The following GRID1 variants were observed in gnomAD, a reference collection of about 807,000 sequenced individuals.
The protein encoded by GRID1 is glutamate ionotropic receptor delta type subunit 1.
In GRID1, 28 loss-of-function variants were observed where a neutral mutation model predicts 98.0. The ratio of observed to expected loss-of-function variants is 0.29; its 90% CI spans 0.21 to 0.39. The LOEUF is 0.39. GRID1 is among the 10% of genes least tolerant of loss of function. The pLI is 1.00. For missense variants in GRID1, 1,111 were observed against 1,340.5 expected, an observed-to-expected ratio of 0.83 and a Z score of 2.67; for synonymous variants, 553 against 538.5, an observed-to-expected ratio of 1.03 and a Z score of -0.37.
chr10:85,626,431 C>T (rs1164930342), intron 13 of GRID1, among the ~76,000 whole-genome samples: 1 of 152,188 alleles, frequency 6.6e-6, no homozygotes, highest in Non-Finnish European at 1.5e-5. Context: ...TTGCTGGTGA[C>T]AGACCACACA....
intron 12 of GRID1, among the ~76,000 whole-genome samples, chr10:85,690,039 A>G (rs1365339817): frequency 2.0e-5 from 3 of 152,202 alleles, no homozygotes; most frequent in South Asian, 4.1e-4. Flanking sequence ...TCCAAAAAAG[A>G]TATCAGAAGG....
At chr10:85,997,698 G>A (rs12768233) in intron 4 of GRID1, among the ~76,000 whole-genome samples, 9,818 of 151,920 alleles carry the variant, frequency 0.065, 388 homozygotes, top group Non-Finnish European at 0.092. Flanking sequence ...AACAAGAAAA[G>A]GGAAGACGTA....
At chr10:85,808,736 T>C (rs1842643620) in intron 8 of GRID1, among the ~76,000 whole-genome samples, 1 of 152,148 alleles carries the variant, frequency 6.6e-6, no homozygotes, top group Admixed American at 6.5e-5. Flanking sequence ...CAAAAATGAC[T>C]TTTAGTATAG....
intron 4 of GRID1, among the ~76,000 whole-genome samples, chr10:85,969,903 G>C (rs1842385010): frequency 6.6e-6 from 1 of 151,574 alleles, no homozygotes; most frequent in South Asian, 2.1e-4. Flanking sequence ...AATAAGCAAA[G>C]AGTTGATTTT....
intron 5 of GRID1, among the ~76,000 whole-genome samples, chr10:85,871,275 G>A (rs1174572013): frequency 1.3e-5 from 2 of 152,192 alleles, no homozygotes; most frequent in Non-Finnish European, 2.9e-5. Flanking sequence ...ATATCTCACA[G>A]AATTTCTTGA....
chr10:86,292,609 G>C (rs1847530822), intron 2 of GRID1, among the ~76,000 whole-genome samples: 1 of 152,176 alleles, frequency 6.6e-6, no homozygotes, highest in Non-Finnish European at 1.5e-5. Flanking sequence ...CTTCACCCCT[G>C]CCTTCCTCCC....
chr10:85,685,609 C>T (rs1841260192), intron 12 of GRID1, among the ~76,000 whole-genome samples: 1 of 152,016 alleles, frequency 6.6e-6, no homozygotes, highest in Non-Finnish European at 1.5e-5. Flanking sequence ...CTCTTAGAGA[C>T]AAACTAGGTT....
rs1845814375 is a variant in GRID1 at position 86,192,387 on chromosome 10, G to C, written c.520+13977C>G. 6.6e-6 allele frequency among the ~76,000 whole-genome samples: 1 copy of C among 152,212 alleles called. No individual in the cohort carries two copies. Among genetic ancestry groups the C allele is most frequent in the African/African-American group, 2.4e-5 (1 of 41,456 alleles). On this transcript the variant is annotated intron_variant, in intron 3 of 15. Transcript: ENST00000327946. The surrounding 1 kb of genome is among the most constrained non-coding windows in gnomAD (Gnocchi z 4.8). ...GAAGGACGTTCTGATGCATGCCACA[G>C]TGTGGAGGAAAGTAGAAAGCACTAT... is the stretch of plus-strand genomic sequence containing the variant.
chr10:86,164,961 T>C lies in GRID1; in HGVS notation c.521-25937A>G, dbSNP rs546873494. ...ACCAGGCATCCAAAGGCCAGAGAGA[T>C]GGAGCAAAGAACAGTGGACAGAAGC... On this transcript the variant is annotated intron_variant, in intron 3 of 15. Coordinates refer to ENST00000327946, the MANE Select transcript of GRID1 (RefSeq NM_017551.3). Among the ~76,000 whole-genome samples the C allele has an allele frequency of 1.4e-4, 22 of 152,176 alleles. No homozygotes were observed. The South Asian group carries it at 4.6e-3, about 32-fold the overall frequency.
intron 7 of GRID1, among the ~76,000 whole-genome samples, chr10:85,855,008 A>C (rs922271151): frequency 6.6e-6 from 1 of 152,194 alleles, no homozygotes; most frequent in Non-Finnish European, 1.5e-5. Context: ...AGAAAATTCA[A>C]AGGTCAACAG....
At chr10:86,199,989 A>G (rs1564704434) in intron 3 of GRID1, among the ~76,000 whole-genome samples, 1 of 151,828 alleles carries the variant, frequency 6.6e-6, no homozygotes. Flanking sequence ...CTGAGCATCT[A>G]AGGCCTCCTC....
At chr10:86,057,565 C>T (rs992835606) in intron 4 of GRID1, among the ~76,000 whole-genome samples, 1 of 152,150 alleles carries the variant, frequency 6.6e-6, no homozygotes, top group Non-Finnish European at 1.5e-5. Context: ...TGTAGCCTTC[C>T]CTTGCTGGGT....
At chr10:85,787,539 G>A (rs575585224) in intron 8 of GRID1, among the ~76,000 whole-genome samples, 1 of 152,202 alleles carries the variant, frequency 6.6e-6, no homozygotes, top group African/African-American at 2.4e-5. Flanking sequence ...TTGAATCCTG[G>A]GAGGGAACAA....
chr10:86,315,224 C>T (rs1847882286), intron 2 of GRID1, among the ~76,000 whole-genome samples: 1 of 152,100 alleles, frequency 6.6e-6, no homozygotes, highest in Admixed American at 6.5e-5. Context: ...TTGTGGAGAC[C>T]CCATAAAGCA....
At chr10:85,655,259 T>C (rs563457751) in intron 12 of GRID1, among the ~76,000 whole-genome samples, 1 of 152,314 alleles carries the variant, frequency 6.6e-6, no homozygotes, top group East Asian at 1.9e-4. Flanking sequence ...TCAGCTCAGC[T>C]GTCATGTCGT....
At chr10:85,728,121 G>T in intron 9 of GRID1, 69 bp from the exon 10 acceptor site, 1 of 1,096,872 alleles carries the variant, frequency 9.1e-7, no homozygotes, top group Non-Finnish European at 1.4e-6. Context: ...CCAGTGTAAT[G>T]TTAGAGAGAA....
At position 85,960,590 on chromosome 10, in the gene GRID1, T is replaced by C. The variant is rs541940633; in HGVS notation, c.727-44351A>G. On this transcript the variant is annotated intron_variant, in intron 4 of 15. Transcript: ENST00000327946. Reference sequence around the variant, plus strand: ...GCTAAGGTAGAGAGAGCACTATACATTTCCACCAGCCAAGGCTCAAGGGCC... The same window carrying C: ...GCTAAGGTAGAGAGAGCACTATACACTTCCACCAGCCAAGGCTCAAGGGCC... Among the ~76,000 whole-genome samples, 4 of 152,310 alleles carry C rather than the reference T, an allele frequency of 2.6e-5. No homozygotes were observed. In the South Asian group the frequency reaches 8.3e-4, roughly 32 times the overall value.
At chr10:86,315,268 C>A (rs1348685030) in intron 2 of GRID1, among the ~76,000 whole-genome samples, 2 of 152,188 alleles carry the variant, frequency 1.3e-5, no homozygotes, top group Non-Finnish European at 2.9e-5. Flanking sequence ...GTCCTCCAGC[C>A]CCCGCCCCCA....
At chr10:85,754,712 A>C (rs1025738899) in intron 8 of GRID1, among the ~76,000 whole-genome samples, 16 of 152,198 alleles carry the variant, frequency 1.1e-4, no homozygotes, top group African/African-American at 3.6e-4. Context: ...GGCCAAGAGA[A>C]AGACAACAAG....
Sources: allele counts gnomAD v4.1 joint callset (sites outside exome capture counted in the v4.1 genomes callset), GRCh38; gene constraint gnomAD v4.1.1; non-coding constraint Gnocchi (gnomAD v3.1); transcripts MANE v1.5; gene names NCBI Gene and HGNC (gene_info 2026-07-23, HGNC 2026-07-21).